TSPOAP1: variants seen among roughly 807,000 people sequenced by gnomAD.
TSPOAP1 encodes peripheral-type benzodiazepine receptor-associated protein 1.
In TSPOAP1, 87 loss-of-function variants were observed where a neutral mutation model predicts 197.0. That is an observed-to-expected ratio of 0.44 (90% confidence interval 0.37 to 0.53). The LOEUF is 0.53. TSPOAP1 is among the 20% of genes least tolerant of loss of function. The pLI, the probability that TSPOAP1 is intolerant of heterozygous loss-of-function variation, is 0.00. For missense variants in TSPOAP1, 2,174 were observed against 2,411.3 expected, an observed-to-expected ratio of 0.90 and a Z score of 2.06; for synonymous variants, 913 against 998.9, an observed-to-expected ratio of 0.91 and a Z score of 1.62.
chr17:58,311,306 G>A (rs564887192), intron 18 of TSPOAP1, 93 bp from the exon 19 acceptor site: 65 of 1,517,066 alleles, frequency 4.3e-5, no homozygotes, highest in Admixed American at 2.6e-4. Context: ...ACTGACAGCA[G>A]TGGCAGCTAG....
In TSPOAP1 at chr17:58,305,156, G is replaced by A; in HGVS notation, c.5449C>T (p.Gln1817Ter). The part of the protein sequence containing the change: ...DGFYYGELNG[Q>*]RGLVPSNFLE... ...AAGTTGGATGGAACCAGGCCCCTTT[G>A]TCCATTTAATTCCCCCTGGAGAGAA... The change falls in exon 30 of 32, where the codon CAA becomes TAA. Residue 1817 changes from glutamine to a stop codon, truncating the protein, a stop_gained. Coordinates refer to ENST00000343736, the MANE Select transcript of TSPOAP1 (RefSeq NM_004758.4). LOFTEE classifies it high-confidence loss of function. 1 of 1,613,376 alleles carries A rather than the reference G, an allele frequency of 6.2e-7. No homozygotes were observed. The highest frequency in any genetic ancestry group is 8.5e-7 in the Non-Finnish European group (1 of 1,179,424).
chr17:58,325,587 C>A lies in TSPOAP1; in HGVS notation c.697G>T (p.Ala233Ser). The A allele has an allele frequency of 6.2e-7, 1 of 1,613,468 alleles. No individual in the cohort carries two copies. Among genetic ancestry groups the A allele is most frequent in the Non-Finnish European group, 8.5e-7 (1 of 1,180,030 alleles). The change falls in exon 4 of 32, where the codon GCC becomes TCC. Residue 233 changes from alanine to serine, a missense_variant. Physicochemically the swap from Ala to Ser is moderately conservative, Grantham distance 99. Coordinates refer to ENST00000343736, the MANE Select transcript of TSPOAP1 (RefSeq NM_004758.4). The stretch of plus-strand genomic sequence containing the variant: ...AGCTCCCTGCACTCCCGCTGCAAGG[C>A]AGCAATCTGCTTGTCCTTGGCCAGC... ...ALLAKDKQIA[A>S]LQRECRELQA...
chr17:58,304,663 G>C lies in TSPOAP1; in HGVS notation c.5545-264C>G. The C allele has an allele frequency of 1.7e-6, 1 of 576,196 alleles. No individual in the cohort carries two copies. The highest frequency in any genetic ancestry group is 3.1e-6 in the Non-Finnish European group (1 of 321,762). 35.7% of individuals were successfully genotyped at this position (576,196 alleles called of 1,614,324 possible). ...AGAACCCAGGAAGCTGGGCCTGGCT[G>C]GGCAACTGGCTTCCAAAGGCACCTG... On this transcript the variant is annotated intron_variant, in intron 30 of 31. Coordinates refer to ENST00000343736, the MANE Select transcript of TSPOAP1 (RefSeq NM_004758.4). This position sits in a 1 kb window ranked among gnomAD's most constrained non-coding sequence, Gnocchi z 4.2.
Position 58,322,386 on chromosome 17 carries a change from C to A in TSPOAP1, c.1344G>T (p.Arg448=). Residue 448 remains arginine, a synonymous_variant, in exon 10 of 32, where the codon CGG becomes CGT. Coordinates refer to ENST00000343736, the MANE Select transcript of TSPOAP1 (RefSeq NM_004758.4). The surrounding 1 kb of genome is among the most constrained non-coding windows in gnomAD (Gnocchi z 5.0). ...GTTCATGCTCCACCTCCAGCTGCTG[C>A]CGCCGCTGGGCCACCTCCCGCATGT... is the stretch of plus-strand genomic sequence containing the variant. ...LKHMREVAQR[R]QQLEVEHEQA... is the part of the protein sequence containing the mutation. The A allele has an allele frequency of 6.2e-7, 1 of 1,606,470 alleles. No individual in the cohort carries two copies.
chr17:58,321,486 C>T (rs190314356), intron 10 of TSPOAP1, among the ~76,000 whole-genome samples: 15 of 152,166 alleles, frequency 9.9e-5, no homozygotes, highest in Admixed American at 6.5e-4. Flanking sequence ...TTGGTAGAGA[C>T]GGGGATTCAC....
chr17:58,305,227 C>T (rs769997188), intron 29 of TSPOAP1, 56 bp from the exon 30 acceptor site: 9 of 1,513,554 alleles, frequency 5.9e-6, no homozygotes, highest in South Asian at 1.1e-5. Context: ...GGCCCTGCCC[C>T]TCGACTCTGA....
At chr17:58,303,327 G>T (rs1428304510) in intron 31 of TSPOAP1, 1 of 152,692 alleles carries the variant, frequency 6.5e-6, no homozygotes, top group African/African-American at 2.4e-5. Flanking sequence ...TTGCTGCCCG[G>T]AGCCTGGCAG....
rs766191519 is a variant in TSPOAP1, at chr17:58,320,124, G to C, written c.1479C>G (p.Thr493=). ...HEGAVQLLES[T]LDSMQARVRE... The stretch of plus-strand genomic sequence containing the variant: ...GAGGCGCTACCTGCATGGAATCCAA[G>C]GTAGACTGTTGCAGGAAAGGAAGCA... Residue 493 remains threonine (T), a synonymous_variant, in exon 12 of 32, where the codon ACC becomes ACG. Coordinates refer to ENST00000343736, the MANE Select transcript of TSPOAP1 (RefSeq NM_004758.4). 32 of 1,614,050 alleles carry C rather than the reference G, an allele frequency of 2.0e-5. No individual in the cohort carries two copies. In the Admixed American group the frequency reaches 4.3e-4, roughly 22 times the overall value.
In TSPOAP1 at chr17:58,306,437, A is replaced by G. The variant is rs777392694; in HGVS notation, c.5153-24T>C. ...CCCTGATCCAGAAAAGCAGAGAGAA[A>G]GCGAGGCAGGGGAGGTGGGAGAGAC... On this transcript the variant is annotated intron_variant, in intron 25 of 31. Transcript: ENST00000343736. 1.9e-6 allele frequency: 3 copies of G among 1,548,226 alleles called. No homozygotes were observed. In the Admixed American group the frequency reaches 5.9e-5, roughly 30 times the overall value.
In TSPOAP1 at chr17:58,306,839, G is replaced by A. The variant is rs755682288; in HGVS notation, c.5113C>T (p.Arg1705Trp). The change falls in exon 25 of 32, where the codon CGG (arginine) becomes TGG (tryptophan). Residue 1705 changes from arginine (R) to tryptophan (W), a missense_variant. Transcript: ENST00000343736. The stretch of plus-strand genomic sequence containing the variant: ...AGAATATCTGGGGACAAATAACCCC[G>A]CTGGAGCAGTTGCTGTCTCCCAGCA... ...SPAGRQQLLQ[R>W]GYLSPDILLE... 2.1e-5 allele frequency: 34 copies of A among 1,613,732 alleles called. No homozygotes were observed. The highest frequency in any genetic ancestry group is 6.7e-5 in the East Asian group (3 of 44,898).
intron 15 of TSPOAP1, 87 bp downstream of exon 15, chr17:58,316,338 T>C: frequency 7.7e-7 from 1 of 1,300,650 alleles, no homozygotes; most frequent in Non-Finnish European, 1.1e-6. Flanking sequence ...CCCCCACCAC[T>C]TCCAGAGGTC....
chr17:58,324,843 C>T lies in TSPOAP1; in HGVS notation c.910G>A (p.Ala304Thr). The T allele has an allele frequency of 6.6e-7, 1 of 1,515,114 alleles. No homozygotes were observed. Among genetic ancestry groups the T allele is most frequent in the East Asian group, 2.5e-5 (1 of 40,434 alleles). The allele number at this position is 1,515,114 out of a possible 1,614,324, so 93.9% of individuals were successfully genotyped here. The change falls in exon 5 of 32, where the codon GCA becomes ACA. Residue 304 changes from alanine to threonine, a missense_variant. Physicochemically the swap from Ala to Thr is moderately conservative, Grantham distance 58. Coordinates refer to ENST00000343736, the MANE Select transcript of TSPOAP1 (RefSeq NM_004758.4). This position sits in a 1 kb window ranked among gnomAD's most constrained non-coding sequence, Gnocchi z 5.8. ...WPPGPALQAR[A>T]GAPAPGAPGE... Reference sequence around the variant, plus strand: ...GGGGCCCCGGGAGCAGGCGCCCCTGCTCTGGCCTGGAGAGCAGGGCCCGGG... The same window carrying T: ...GGGGCCCCGGGAGCAGGCGCCCCTGTTCTGGCCTGGAGAGCAGGGCCCGGG...
chr17:58,308,454 G>C, intron 22 of TSPOAP1, 87 bp downstream of exon 22: 1 of 1,478,494 alleles, frequency 6.8e-7, no homozygotes, highest in Non-Finnish European at 8.9e-7. Flanking sequence ...GGCAGGCAGC[G>C]TGGAATGGGA....
chr17:58,308,084 G>C, intron 22 of TSPOAP1, 143 bp from the exon 23 acceptor site: 1 of 889,606 alleles, frequency 1.1e-6, no homozygotes, highest in Non-Finnish European at 1.7e-6. Flanking sequence ...GGCCCAGCCT[G>C]CTGGAGACCT....
Position 58,305,285 on chromosome 17 carries a change from C to A in TSPOAP1, c.5433+102G>T. The A allele has an allele frequency of 2.0e-6, 3 of 1,511,640 alleles. No homozygotes were observed. In the South Asian group the frequency reaches 3.4e-5, roughly 17 times the overall value. The allele number at this position is 1,511,640 out of a possible 1,614,324, so 93.6% of individuals were successfully genotyped here. A position where few individuals can be genotyped will look rare whatever the true frequency, so the allele number is the denominator to read the frequency against. Reference sequence around the variant, plus strand: ...CCAAAACCACTGTCCAGGGAGGTGACCCGTTCCATTCCTCCGGACTTCCTG... The same window carrying A: ...CCAAAACCACTGTCCAGGGAGGTGAACCGTTCCATTCCTCCGGACTTCCTG... On this transcript the variant is annotated intron_variant, in intron 29 of 31. Coordinates refer to ENST00000343736, the MANE Select transcript of TSPOAP1 (RefSeq NM_004758.4).
In TSPOAP1 at chr17:58,326,566, G is replaced by C. The variant is rs1203212508; in HGVS notation, c.441+117C>G. 1.3e-6 allele frequency: 2 copies of C among 1,532,772 alleles called. No individual in the cohort carries two copies. The highest frequency in any genetic ancestry group is 4.5e-5 in the East Asian group (2 of 44,168). The allele number at this position is 1,532,772 out of a possible 1,614,324, so 94.9% of individuals were successfully genotyped here. A position where few individuals can be genotyped will look rare whatever the true frequency, so the allele number is the denominator to read the frequency against. The stretch of plus-strand genomic sequence containing the variant: ...AGGGGTTCACCCTCTCTGGGTCTCA[G>C]GATTTTGTCACCTCCATTGAGCCCC... On this transcript the variant is annotated intron_variant, in intron 2 of 31. Coordinates refer to ENST00000343736, the MANE Select transcript of TSPOAP1 (RefSeq NM_004758.4). The surrounding 1 kb of genome is among the most constrained non-coding windows in gnomAD (Gnocchi z 4.7).
rs1295670657 is a variant in TSPOAP1, at chr17:58,310,168, G to A, written c.3700-10C>T. 6.2e-7 allele frequency: 1 copy of A among 1,610,046 alleles called. No individual in the cohort carries two copies. The highest frequency in any genetic ancestry group is 1.3e-5 in the African/African-American group (1 of 74,910). ...CTGCTGTGTCCTCCTTCTGCAAGAA[G>A]TGAGGCAAGGCAGGAGAGATAAGGA... is the stretch of plus-strand genomic sequence containing the variant. On this transcript the variant is annotated splice_polypyrimidine_tract_variant and intron_variant, in intron 20 of 31. Coordinates refer to ENST00000343736, the MANE Select transcript of TSPOAP1 (RefSeq NM_004758.4).
rs367610899 is a variant in TSPOAP1, at chr17:58,311,586, G to A, written c.3066C>T (p.Tyr1022=). 4.8e-5 allele frequency: 77 copies of A among 1,589,834 alleles called. No homozygotes were observed. Among genetic ancestry groups the A allele is most frequent in the African/African-American group, 3.5e-4 (26 of 74,328 alleles). ...NGVRVTGYAI[Y]ADGQKIMEVA... ...AGGGCTATACCTTCTGCCCATCAGC[G>A]TAGATGGCATAGCCTGTGACCCGGA... The change falls in exon 18 of 32, where the codon TAC becomes TAT. Residue 1022 remains tyrosine (Y), a synonymous_variant. Coordinates refer to ENST00000343736, the MANE Select transcript of TSPOAP1 (RefSeq NM_004758.4).
intron 12 of TSPOAP1, among the ~76,000 whole-genome samples, chr17:58,319,749 C>T (rs1339098426): frequency 6.6e-6 from 1 of 152,250 alleles, no homozygotes; most frequent in Non-Finnish European, 1.5e-5. Flanking sequence ...CCAGGGATGT[C>T]TTCGTGATGG....
Sources: allele counts gnomAD v4.1 joint callset (sites outside exome capture counted in the v4.1 genomes callset), GRCh38; gene constraint gnomAD v4.1.1; non-coding constraint Gnocchi (gnomAD v3.1); transcripts MANE v1.5; gene names NCBI Gene and HGNC (gene_info 2026-07-23, HGNC 2026-07-21).